ARFIP1: variants seen among roughly 807,000 people sequenced by gnomAD.
ARFIP1 encodes ARF interacting protein 1, also known as arfaptin-1.
Under a neutral mutation model 42.5 loss-of-function variants are expected in ARFIP1, and 24 were observed. That is an observed-to-expected ratio of 0.57 (90% confidence interval 0.41 to 0.80). ARFIP1 has a LOEUF of 0.80. Among genes scored for constraint, ARFIP1 ranks in the 30% least tolerant of loss-of-function variants. ARFIP1 has a pLI of 0.00. For synonymous variants in ARFIP1, 141 were observed against 153.7 expected (o/e 0.92, Z 0.61); for missense variants, 354 against 434.0 (o/e 0.82, Z 1.64).
At chr4:152,887,542 A>T (rs923772470) in intron 7 of ARFIP1, among the ~76,000 whole-genome samples, 1 of 152,080 alleles carries the variant, frequency 6.6e-6, no homozygotes, top group African/African-American at 2.4e-5. Flanking sequence ...ACCTATGAAT[A>T]ATTCTGTTAC....
At chr4:152,882,702 A>C in intron 6 of ARFIP1, 21 bp from the exon 7 acceptor site, 1 of 1,607,000 alleles carries the variant, frequency 6.2e-7, no homozygotes, top group Middle Eastern at 1.7e-4. Flanking sequence ...TGAATAAATT[A>C]AGGTGACTTC....
chr4:152,872,200 T>TTTTG (rs760671968), intron 4 of ARFIP1, among the ~76,000 whole-genome samples: 12 of 152,268 alleles, frequency 7.9e-5, no homozygotes, highest in Admixed American at 3.3e-4. Flanking sequence ...GCAAGAGTTT[T>TTTTG]TTTGTTTGTT....
Position 152,903,537 on chromosome 4 carries a change from A to C in ARFIP1, c.967-6527A>C, listed in dbSNP as rs188384032. Among the ~76,000 whole-genome samples the C allele has an allele frequency of 2.0e-5, 3 of 152,214 alleles. No homozygotes were observed. The East Asian group carries it at 5.8e-4, about 29-fold the overall frequency. On this transcript the variant is annotated intron_variant, in intron 8 of 8. Coordinates refer to ENST00000353617, the MANE Select transcript of ARFIP1 (RefSeq NM_001025595.3). ...ATAATTACAAAATTGTGAATCCTCA[A>C]AGGTCCCCTCTATACCAGGGAACTG...
chr4:152,894,198 ACT>A (rs1354589396), intron 8 of ARFIP1, among the ~76,000 whole-genome samples: 1 of 147,122 alleles, frequency 6.8e-6, no homozygotes, highest in African/African-American at 2.5e-5. Flanking sequence ...ACAGAGCGAG[ACT>A]CTGTCTCAAA....
At chr4:152,796,774 T>G (rs1936226853) in intron 1 of ARFIP1, 2 of 723,450 alleles carry the variant, frequency 2.8e-6, no homozygotes. Flanking sequence ...TCTCTTTCTC[T>G]CATGGTAATC....
In ARFIP1 at chr4:152,897,836, G is replaced by T. The variant is rs186830305; in HGVS notation, c.966+9529G>T. The stretch of plus-strand genomic sequence containing the variant: ...TGTGCTGTTGATGATGGTACTGGGT[G>T]CTTATGGCTGTGACTTTGCTATACT... On this transcript the variant is annotated intron_variant, in intron 8 of 8. Transcript: ENST00000353617. Among the ~76,000 whole-genome samples, 5 of 152,184 alleles carry T rather than the reference G, an allele frequency of 3.3e-5. No individual in the cohort carries two copies. The East Asian group carries it at 9.7e-4, about 29-fold the overall frequency.
intron 5 of ARFIP1, among the ~76,000 whole-genome samples, chr4:152,877,252 A>C (rs1304462150): frequency 6.6e-6 from 1 of 152,124 alleles, no homozygotes; most frequent in Non-Finnish European, 1.5e-5. Context: ...CTGTACCCTG[A>C]AAAGGCACAG....
chr4:152,785,816 G>A (rs1056538239), intron 1 of ARFIP1, among the ~76,000 whole-genome samples: 2 of 152,174 alleles, frequency 1.3e-5, no homozygotes, highest in Non-Finnish European at 2.9e-5. Flanking sequence ...ATTTAAGTTA[G>A]TTAAAATTAA....
intron 1 of ARFIP1, among the ~76,000 whole-genome samples, chr4:152,781,439 G>T (rs1730491905): frequency 6.6e-6 from 1 of 152,044 alleles, no homozygotes; most frequent in South Asian, 2.1e-4. Context: ...GTTTCACCGT[G>T]TTGGCCAGGC....
chr4:152,801,300 A>G (rs1021163544), intron 1 of ARFIP1, among the ~76,000 whole-genome samples: 2 of 152,160 alleles, frequency 1.3e-5, no homozygotes, highest in African/African-American at 4.8e-5. Context: ...GAGGAAGAGA[A>G]TCGTGAAAAT....
chr4:152,829,187 T>G (rs544180387), intron 1 of ARFIP1, among the ~76,000 whole-genome samples: 13 of 152,260 alleles, frequency 8.5e-5, no homozygotes, highest in Admixed American at 1.3e-4. Context: ...TCAACTAAAG[T>G]TTGTGGATTT....
chr4:152,811,762 A>C (rs970368474), intron 1 of ARFIP1, among the ~76,000 whole-genome samples: 5 of 152,232 alleles, frequency 3.3e-5, no homozygotes, highest in Non-Finnish European at 7.3e-5. Context: ...TTGAATTTAA[A>C]TTCAATTTCA....
At chr4:152,804,136 A>G (rs1462643957) in intron 1 of ARFIP1, among the ~76,000 whole-genome samples, 2 of 121,866 alleles carry the variant, frequency 1.6e-5, no homozygotes, top group Admixed American at 9.5e-5. Flanking sequence ...TATTATATAT[A>G]ATATAACATG....
At chr4:152,840,726 T>C (rs1003965108) in intron 2 of ARFIP1, among the ~76,000 whole-genome samples, 1 of 149,346 alleles carries the variant, frequency 6.7e-6, no homozygotes, top group African/African-American at 2.5e-5. Context: ...TTTTTTTTTT[T>C]TTTTTTTTTG....
chr4:152,832,475 G>A (rs901057843), intron 2 of ARFIP1, among the ~76,000 whole-genome samples: 1 of 151,964 alleles, frequency 6.6e-6, no homozygotes, highest in Non-Finnish European at 1.5e-5. Flanking sequence ...TATATTCTGG[G>A]TATATGCCAT....
chr4:152,909,697 A>G (rs1425988690), intron 8 of ARFIP1, among the ~76,000 whole-genome samples: 1 of 152,234 alleles, frequency 6.6e-6, no homozygotes, highest in South Asian at 2.1e-4. Flanking sequence ...CTATTCATAC[A>G]TTGTGTAGCA....
At chr4:152,826,495 G>C (rs1386755108) in intron 1 of ARFIP1, among the ~76,000 whole-genome samples, 1 of 152,066 alleles carries the variant, frequency 6.6e-6, no homozygotes, top group Non-Finnish European at 1.5e-5. Flanking sequence ...TGGGGAGTGA[G>C]GGATAAAAAA....
At chr4:152,880,740 A>AT (rs1477202170) in intron 5 of ARFIP1, among the ~76,000 whole-genome samples, 22 of 152,220 alleles carry the variant, frequency 1.4e-4, no homozygotes, top group Admixed American at 1.4e-3. Flanking sequence ...ATGGCAGTAT[A>AT]TAAGTTTGCT....
intron 3 of ARFIP1, 106 bp from the exon 4 acceptor site, chr4:152,870,647 C>T: frequency 1.3e-6 from 1 of 749,336 alleles, no homozygotes; most frequent in East Asian, 2.6e-5. Flanking sequence ...ACTTTTAATC[C>T]TAGTGTTTGA....
Sources: gnomAD v4.1 joint callset for allele counts (sites outside exome capture counted in the v4.1 genomes callset) on GRCh38, gnomAD v4.1.1 for gene constraint, MANE v1.5 for transcripts, NCBI Gene and HGNC (gene_info 2026-07-23, HGNC 2026-07-21) for gene names.